The following THSD7B variants were observed in gnomAD, a reference collection of about 807,000 sequenced individuals.
THSD7B encodes thrombospondin type 1 domain containing 7B, also known as thrombospondin type-1 domain-containing protein 7B.
Under a neutral mutation model 213.6 loss-of-function variants are expected in THSD7B, and 138 were observed. The ratio of observed to expected loss-of-function variants is 0.65; its 90% CI spans 0.56 to 0.74. THSD7B has a LOEUF of 0.74. Ranked by LOEUF, THSD7B falls within the 30% of genes least tolerant of loss-of-function variation. The probability of loss-of-function intolerance (pLI) is 0.00; values close to 1 mark genes in which losing one functional copy is unlikely to be tolerated. For synonymous variants in THSD7B, 742 were observed against 687.0 expected, an observed-to-expected ratio of 1.08 and a Z score of -1.25; for missense variants, 1,931 against 1,991.5, an observed-to-expected ratio of 0.97 and a Z score of 0.58.
intron 2 of THSD7B, among the ~76,000 whole-genome samples, chr2:136,941,552 CTGG>C (rs1343341190): frequency 1.3e-5 from 2 of 152,224 alleles, no homozygotes; most frequent in Non-Finnish European, 2.9e-5. Context: ...ACCATTCTAA[CTGG>C]TGTGAGATGG....
chr2:137,062,691 T>C (rs1483345239), intron 3 of THSD7B, among the ~76,000 whole-genome samples: 3 of 151,822 alleles, frequency 2.0e-5, no homozygotes, highest in African/African-American at 7.2e-5. Flanking sequence ...TTTCTATTCT[T>C]TTAGATTTGT....
rs780735803 is a variant in THSD7B at position 137,656,754 on chromosome 2, T to C, written c.4106-42T>C. Reference sequence around the variant, plus strand: ...CATGCAAATGTTGTCCAGTGCCACTTTTCATGCTGTTTTCTCCACCCTGTA... The same window carrying C: ...CATGCAAATGTTGTCCAGTGCCACTCTTCATGCTGTTTTCTCCACCCTGTA... On this transcript the variant is annotated intron_variant, in intron 22 of 27. Coordinates refer to ENST00000409968, the MANE Select transcript of THSD7B (RefSeq NM_001316349.2). 5 of 1,573,322 alleles carry C rather than the reference T, an allele frequency of 3.2e-6. No homozygotes were observed. The Admixed American group carries it at 9.3e-5, about 29-fold the overall frequency.
At chr2:137,534,081 TC>T (rs1024692215) in intron 15 of THSD7B, among the ~76,000 whole-genome samples, 3 of 151,346 alleles carry the variant, frequency 2.0e-5, no homozygotes, top group Non-Finnish European at 4.4e-5. Context: ...CTTGTTTTCT[TC>T]CAACTTTGAT....
chr2:137,497,212 GAC>G (rs58249868), intron 15 of THSD7B, among the ~76,000 whole-genome samples: 82 of 150,312 alleles, frequency 5.5e-4, no homozygotes, highest in Admixed American at 8.0e-4. Flanking sequence ...CACACACACA[GAC>G]ACACACACAC....
chr2:137,456,101 G>A (rs1687757039), intron 15 of THSD7B, among the ~76,000 whole-genome samples: 1 of 152,174 alleles, frequency 6.6e-6, no homozygotes, highest in Non-Finnish European at 1.5e-5. Flanking sequence ...GTTTGCAACT[G>A]AATGAGAGTA....
intron 7 of THSD7B, among the ~76,000 whole-genome samples, chr2:137,184,542 T>C (rs1413873811): frequency 1.3e-5 from 2 of 152,140 alleles, no homozygotes; most frequent in Admixed American, 6.6e-5. Context: ...TACTATGAAA[T>C]AATGAAATTT....
chr2:137,365,063 A>G (rs1043796470), intron 12 of THSD7B, among the ~76,000 whole-genome samples: 1 of 152,170 alleles, frequency 6.6e-6, no homozygotes, highest in Non-Finnish European at 1.5e-5. Flanking sequence ...GTGGAACAGA[A>G]CAGAGGCCTC....
At chr2:136,851,210 G>A (rs144025464) in intron 1 of THSD7B, among the ~76,000 whole-genome samples, 28 of 151,982 alleles carry the variant, frequency 1.8e-4, no homozygotes, top group African/African-American at 5.3e-4. Context: ...AAATTATGGC[G>A]AAGTCTCATC....
intron 14 of THSD7B, among the ~76,000 whole-genome samples, chr2:137,434,801 C>T (rs1344155480): frequency 6.6e-6 from 1 of 152,168 alleles, no homozygotes; most frequent in Non-Finnish European, 1.5e-5. Context: ...TGATTCAAGT[C>T]TTGTTCTCAG....
intron 12 of THSD7B, among the ~76,000 whole-genome samples, chr2:137,377,169 T>G (rs527364293): frequency 2.6e-5 from 4 of 151,994 alleles, no homozygotes; most frequent in Non-Finnish European, 4.4e-5. Context: ...TGAGCCCTCT[T>G]AGGGAAAAAA....
rs1682280919 is a variant in THSD7B at position 136,806,365 on chromosome 2, T to TA, written c.-36+40682dup. 2.0e-5 allele frequency among the ~76,000 whole-genome samples: 3 copies of TA among 152,316 alleles called. No homozygotes were observed. In the East Asian group the frequency reaches 5.8e-4, roughly 29 times the overall value. ...TATATAATCTATATTTCTCTGTCTG[T>TA]AAAATGTGAGAAAAACACTCAGCTC... On this transcript the variant is annotated intron_variant, in intron 1 of 27. Transcript: ENST00000409968.
chr2:137,600,220 C>T (rs1239120763), intron 17 of THSD7B, among the ~76,000 whole-genome samples: 1 of 152,078 alleles, frequency 6.6e-6, no homozygotes, highest in Admixed American at 6.6e-5. Context: ...AAACTTATGG[C>T]ATATCAGAAG....
At chr2:136,989,845 A>G (rs972066054) in intron 2 of THSD7B, among the ~76,000 whole-genome samples, 1 of 152,206 alleles carries the variant, frequency 6.6e-6, no homozygotes, top group African/African-American at 2.4e-5. Flanking sequence ...TTTAAAATCT[A>G]GGTGTCATGG....
At chr2:136,912,321 CAAAAAAAAAAAAA>C (rs1159184476) in intron 2 of THSD7B, among the ~76,000 whole-genome samples, 1 of 55,838 alleles carries the variant, frequency 1.8e-5, no homozygotes, top group African/African-American at 8.8e-5. Flanking sequence ...GACTCCATCT[CAAAAAAAAAAAAA>C]AAAAAAAAAA....
chr2:137,313,258 G>A (rs547207736), intron 12 of THSD7B, among the ~76,000 whole-genome samples: 3 of 152,170 alleles, frequency 2.0e-5, no homozygotes, highest in Admixed American at 1.3e-4. Context: ...TTACTATTAT[G>A]TAATGGCCTT....
chr2:137,506,501 G>A (rs1228988796), intron 15 of THSD7B, among the ~76,000 whole-genome samples: 1 of 152,236 alleles, frequency 6.6e-6, no homozygotes, highest in East Asian at 1.9e-4. Flanking sequence ...CAAGTAGACT[G>A]AACCTACCTG....
chr2:137,510,117 A>T (rs906968478), intron 15 of THSD7B, among the ~76,000 whole-genome samples: 8 of 152,126 alleles, frequency 5.3e-5, no homozygotes, highest in Non-Finnish European at 1.0e-4. Context: ...TTCACATTTA[A>T]TATAGTAATT....
chr2:137,594,288 T>A (rs1203325010), intron 17 of THSD7B, among the ~76,000 whole-genome samples: 1 of 152,002 alleles, frequency 6.6e-6, no homozygotes, highest in Admixed American at 6.6e-5. Flanking sequence ...CAGGCACTTT[T>A]GATTCTCCTT....
intron 15 of THSD7B, among the ~76,000 whole-genome samples, chr2:137,527,781 G>A (rs1375538659): frequency 2.3e-4 from 35 of 152,058 alleles, no homozygotes; most frequent in Admixed American, 2.3e-3. Context: ...GAAAAGTGCT[G>A]TCTTCCATTG....
Sources: gnomAD v4.1 joint callset for allele counts (sites outside exome capture counted in the v4.1 genomes callset) on GRCh38, gnomAD v4.1.1 for gene constraint, MANE v1.5 for transcripts, NCBI Gene and HGNC (gene_info 2026-07-23, HGNC 2026-07-21) for gene names.